Variants in GRID2 observed in about 807,000 individuals in gnomAD.
GRID2 encodes glutamate receptor ionotropic, delta-2.
Under a neutral mutation model 114.8 loss-of-function variants are expected in GRID2, and 33 were observed. The ratio of observed to expected loss-of-function variants is 0.29; its 90% CI spans 0.22 to 0.38. GRID2 has a LOEUF of 0.38. Ranked by LOEUF, GRID2 falls within the 10% of genes least tolerant of loss-of-function variation. The pLI is 1.00. For missense variants in GRID2, 1,184 were observed against 1,257.7 expected, an observed-to-expected ratio of 0.94 and a Z score of 0.89; for synonymous variants, 505 against 449.9, an observed-to-expected ratio of 1.12 and a Z score of -1.55.
intron 9 of GRID2, among the ~76,000 whole-genome samples, chr4:93,398,131 G>GTGTGTGTGTA (rs1270798969): frequency 1.8e-5 from 2 of 111,548 alleles, no homozygotes; most frequent in Middle Eastern, 3.9e-3. Context: ...GTATGTGTGT[G>GTGTGTGTGTA]TGTATATATA....
At chr4:92,897,628 G>A (rs549877168) in intron 2 of GRID2, among the ~76,000 whole-genome samples, 4 of 152,234 alleles carry the variant, frequency 2.6e-5, no homozygotes, top group African/African-American at 9.6e-5. Flanking sequence ...ATTTGAACTT[G>A]GAGTAGGGGG....
At chr4:93,505,487 AAAAG>A (rs987186707) in intron 12 of GRID2, among the ~76,000 whole-genome samples, 3 of 151,426 alleles carry the variant, frequency 2.0e-5, no homozygotes, top group Admixed American at 6.6e-5. Flanking sequence ...TGATATATAA[AAAAG>A]AAACTGCACA....
intron 2 of GRID2, among the ~76,000 whole-genome samples, chr4:92,778,963 A>G (rs191225378): frequency 8.7e-4 from 132 of 152,162 alleles, no homozygotes; most frequent in Admixed American, 8.7e-3. Context: ...ATGACACCCT[A>G]TCACCCTTAT....
intron 2 of GRID2, among the ~76,000 whole-genome samples, chr4:93,040,167 C>G (rs1380137529): frequency 6.6e-6 from 1 of 151,756 alleles, no homozygotes; most frequent in East Asian, 1.9e-4. Context: ...TATAAACACT[C>G]AATTTCATTT....
chr4:92,778,377 T>C (rs889851294), intron 2 of GRID2, among the ~76,000 whole-genome samples: 1 of 152,106 alleles, frequency 6.6e-6, no homozygotes, highest in African/African-American at 2.4e-5. Flanking sequence ...TTCAGAGCAA[T>C]TTGTATGATT....
At chr4:93,799,115 C>T (rs1162148833) in intron 1 of GRID2, among the ~76,000 whole-genome samples, 3 of 152,176 alleles carry the variant, frequency 2.0e-5, no homozygotes, top group African/African-American at 7.2e-5. Context: ...ATAGCTTCTA[C>T]AGTTAATAGG....
intron 1 of GRID2, among the ~76,000 whole-genome samples, chr4:92,567,624 A>G (rs1227540337): frequency 6.6e-6 from 1 of 152,080 alleles, no homozygotes; most frequent in East Asian, 1.9e-4. Context: ...AGTGATTTAT[A>G]AAAGCATCTA....
At chr4:92,867,726 G>A (rs137870416) in intron 2 of GRID2, among the ~76,000 whole-genome samples, 315 of 151,994 alleles carry the variant, frequency 2.1e-3, no homozygotes, top group African/African-American at 6.7e-3. Context: ...GGTATCTGTC[G>A]TACTAGATTT....
chr4:92,476,896 G>A (rs894119633), intron 1 of GRID2, among the ~76,000 whole-genome samples: 2 of 151,968 alleles, frequency 1.3e-5, no homozygotes, highest in Non-Finnish European at 2.9e-5. Flanking sequence ...AATTTATAAG[G>A]CTAATAAAAT....
At chr4:93,022,137 C>A (rs1362891537) in intron 2 of GRID2, among the ~76,000 whole-genome samples, 1 of 151,746 alleles carries the variant, frequency 6.6e-6, no homozygotes, top group Non-Finnish European at 1.5e-5. Flanking sequence ...TTCATAAATA[C>A]ATGTTTGTGT....
intron 2 of GRID2, among the ~76,000 whole-genome samples, chr4:92,884,040 A>G (rs1414599358): frequency 1.3e-5 from 2 of 151,858 alleles, no homozygotes; most frequent in African/African-American, 2.4e-5. Context: ...CTTGTCCAGT[A>G]TAAGGCTGTT....
intron 2 of GRID2, among the ~76,000 whole-genome samples, chr4:92,908,220 G>T (rs2149488120): frequency 6.6e-6 from 1 of 152,114 alleles, no homozygotes; most frequent in African/African-American, 2.4e-5. Context: ...ATTCATCAGA[G>T]ATAAGTACTA....
chr4:93,183,537 C>T (rs1240579574), intron 4 of GRID2, among the ~76,000 whole-genome samples: 1 of 152,196 alleles, frequency 6.6e-6, no homozygotes, highest in African/African-American at 2.4e-5. Flanking sequence ...TGGCACCCAA[C>T]TGATACATTC....
chr4:92,816,524 T>C (rs1740929050), intron 2 of GRID2, among the ~76,000 whole-genome samples: 1 of 152,064 alleles, frequency 6.6e-6, no homozygotes, highest in Non-Finnish European at 1.5e-5. Flanking sequence ...TGTCAGAGTT[T>C]GGTAAAGGTT....
At chr4:93,442,538 A>G (rs72668722) in intron 10 of GRID2, among the ~76,000 whole-genome samples, 2,206 of 152,156 alleles carry the variant, frequency 0.014, 19 homozygotes, top group South Asian at 0.055. Context: ...TTTGGAGAAT[A>G]CATAAAGTAT....
intron 2 of GRID2, among the ~76,000 whole-genome samples, chr4:92,655,661 T>C (rs1395451134): frequency 4.0e-5 from 6 of 151,602 alleles, no homozygotes; most frequent in African/African-American, 1.5e-4. Flanking sequence ...GACTTCTTGA[T>C]TTTTTTTCAT....
In GRID2 at chr4:92,781,500, A is replaced by T. The variant is rs1739074782; in HGVS notation, c.244+191214A>T. 2.0e-5 allele frequency among the ~76,000 whole-genome samples: 3 copies of T among 152,254 alleles called. No homozygotes were observed. The South Asian group carries it at 6.2e-4, about 32-fold the overall frequency. On this transcript the variant is annotated intron_variant, in intron 2 of 15. Transcript: ENST00000282020. ...CAAAGAGATTGAAATCTTCAAAGTG[A>T]TAAAATACGCATTAATCTTTTCAAC...
intron 2 of GRID2, among the ~76,000 whole-genome samples, chr4:92,817,702 CT>C (rs112928641): frequency 8.9e-4 from 127 of 142,034 alleles, no homozygotes; most frequent in Middle Eastern, 3.6e-3. Flanking sequence ...AGATATTTGG[CT>C]TTTTTTTTTT....
intron 4 of GRID2, among the ~76,000 whole-genome samples, chr4:93,174,179 T>C (rs1739121826): frequency 2.6e-5 from 4 of 152,332 alleles, no homozygotes; most frequent in Admixed American, 2.6e-4. Context: ...TGTTATTGTA[T>C]GTGTAGTTTC....
Sources: gnomAD v4.1 joint callset for allele counts (sites outside exome capture counted in the v4.1 genomes callset) on GRCh38, gnomAD v4.1.1 for gene constraint, MANE v1.5 for transcripts, NCBI Gene and HGNC (gene_info 2026-07-23, HGNC 2026-07-21) for gene names.